The following IMMP2L variants were observed in gnomAD, a reference collection of about 807,000 sequenced individuals.
IMMP2L encodes the protein inner mitochondrial membrane peptidase subunit 2, also known as mitochondrial inner membrane protease subunit 2.
Under a neutral mutation model 19.3 loss-of-function variants are expected in IMMP2L, and 18 were observed. The observed-to-expected ratio is 0.93, with a 90% CI of 0.64 to 1.38. IMMP2L has a LOEUF of 1.38. Ranked by LOEUF, IMMP2L falls within the 40% of genes most tolerant of loss-of-function variation. The pLI is 0.00. For missense variants in IMMP2L, 233 were observed against 218.2 expected (o/e 1.07, Z -0.43); for synonymous variants, 76 against 73.0 (o/e 1.04, Z -0.21).
At chr7:111,331,787 T>G (rs1056655245) in intron 3 of IMMP2L, among the ~76,000 whole-genome samples, 1 of 151,840 alleles carries the variant, frequency 6.6e-6, no homozygotes, top group East Asian at 1.9e-4. Flanking sequence ...TCCAAGGATT[T>G]GTATATAGCC....
chr7:111,431,352 C>T (rs924458995), intron 3 of IMMP2L, among the ~76,000 whole-genome samples: 9 of 151,804 alleles, frequency 5.9e-5, no homozygotes, highest in African/African-American at 1.2e-4. Flanking sequence ...AATTGTTGTA[C>T]GCTCATGAGC....
chr7:111,260,002 T>C (rs1214696012), intron 3 of IMMP2L, among the ~76,000 whole-genome samples: 1 of 152,156 alleles, frequency 6.6e-6, no homozygotes, highest in Non-Finnish European at 1.5e-5. Flanking sequence ...TGTCATCTCC[T>C]ATCATAACAA....
At chr7:111,506,456 G>A (rs899246713) in intron 2 of IMMP2L, among the ~76,000 whole-genome samples, 2 of 152,166 alleles carry the variant, frequency 1.3e-5, no homozygotes, top group Non-Finnish European at 1.5e-5. Context: ...GCAGTGCAGT[G>A]GTGCAATCTC....
In IMMP2L at chr7:111,280,156, C is replaced by T. The variant is rs115568858; in HGVS notation, c.239+207082G>A. ...CTAAATGATCTGGCTTTCCCTTCGA[C>T]ATCGTCTCATTATTCTCATCCATCA... On this transcript the variant is annotated intron_variant, in intron 3 of 5. Transcript: ENST00000405709. 8.7e-3 allele frequency among the ~76,000 whole-genome samples: 1,330 copies of T among 152,268 alleles called. 24 individuals are homozygous for T. Among genetic ancestry groups the T allele is most frequent in the African/African-American group, 0.03 (1,252 of 41,556 alleles).
Position 111,054,970 on chromosome 7 carries a change from C to T in IMMP2L, c.240-91405G>A, listed in dbSNP as rs150510797. Among the ~76,000 whole-genome samples, 4 of 152,130 alleles carry T rather than the reference C, an allele frequency of 2.6e-5. No homozygotes were observed. The East Asian group carries it at 7.7e-4, about 29-fold the overall frequency. ...TTAGGAAACAAAATAGTTGGGCTGG[C>T]TCAAAAGTGACCACCACTAGTAGCA... On this transcript the variant is annotated intron_variant, in intron 3 of 5. Transcript: ENST00000405709.
chr7:111,318,399 T>C (rs1271564522), intron 3 of IMMP2L, among the ~76,000 whole-genome samples: 3 of 152,092 alleles, frequency 2.0e-5, no homozygotes, highest in African/African-American at 4.8e-5. Context: ...TAGTAACAGA[T>C]TGCAGACACA....
At chr7:111,256,291 CCAAA>C (rs771312775) in intron 3 of IMMP2L, among the ~76,000 whole-genome samples, 13 of 152,024 alleles carry the variant, frequency 8.6e-5, no homozygotes, top group Non-Finnish European at 1.5e-4. Context: ...TGCTTTTAAA[CCAAA>C]CAGATTTCAA....
chr7:111,230,145 T>C (rs1039294408), intron 3 of IMMP2L, among the ~76,000 whole-genome samples: 1 of 152,026 alleles, frequency 6.6e-6, no homozygotes, highest in African/African-American at 2.4e-5. Flanking sequence ...TTTGTTATGA[T>C]GGCATAGAAA....
intron 5 of IMMP2L, among the ~76,000 whole-genome samples, chr7:110,814,700 G>GATATATATATATAT (rs143894798): frequency 6.9e-6 from 1 of 143,954 alleles, no homozygotes; most frequent in African/African-American, 2.5e-5. Flanking sequence ...GTCAAGTACA[G>GATATATATATATAT]ATATATATAT....
intron 3 of IMMP2L, among the ~76,000 whole-genome samples, chr7:111,468,418 T>C (rs1034883146): frequency 2.0e-5 from 3 of 152,278 alleles, no homozygotes; most frequent in Admixed American, 6.5e-5. Context: ...AGCAAGGCTG[T>C]AGGGGCCATA....
At chr7:110,875,488 A>T (rs1808973660) in intron 5 of IMMP2L, among the ~76,000 whole-genome samples, 1 of 152,184 alleles carries the variant, frequency 6.6e-6, no homozygotes, top group Non-Finnish European at 1.5e-5. Context: ...ACTAGAGTCT[A>T]CATAATTCCA....
intron 3 of IMMP2L, among the ~76,000 whole-genome samples, chr7:111,021,778 G>A (rs1000874043): frequency 3.9e-5 from 6 of 152,140 alleles, no homozygotes; most frequent in African/African-American, 1.4e-4. Context: ...AGCTACTCAG[G>A]AGGCTGAGGC....
At chr7:110,821,044 T>C (rs1802981380) in intron 5 of IMMP2L, among the ~76,000 whole-genome samples, 1 of 152,132 alleles carries the variant, frequency 6.6e-6, no homozygotes, top group Non-Finnish European at 1.5e-5. Flanking sequence ...GCCACTGACC[T>C]GTATGCTTTA....
At chr7:111,441,597 A>G (rs1323302015) in intron 3 of IMMP2L, among the ~76,000 whole-genome samples, 6 of 151,660 alleles carry the variant, frequency 4.0e-5, no homozygotes, top group African/African-American at 1.5e-4. Context: ...ATAATAACAA[A>G]AAAGTTTGAA....
At chr7:111,009,054 A>G (rs1824625775) in intron 3 of IMMP2L, among the ~76,000 whole-genome samples, 1 of 152,084 alleles carries the variant, frequency 6.6e-6, no homozygotes, top group Admixed American at 6.6e-5. Context: ...TTTGCTTCAT[A>G]TCATTTTACA....
intron 3 of IMMP2L, among the ~76,000 whole-genome samples, chr7:111,033,269 T>C (rs1440253752): frequency 6.6e-6 from 1 of 152,228 alleles, no homozygotes; most frequent in Non-Finnish European, 1.5e-5. Context: ...TTAAAACAAT[T>C]AGATACTATT....
chr7:111,503,940 T>C (rs1411519012), intron 2 of IMMP2L, among the ~76,000 whole-genome samples: 2 of 152,072 alleles, frequency 1.3e-5, no homozygotes, highest in East Asian at 3.8e-4. Flanking sequence ...TCACCACTCC[T>C]ATTCAACATA....
chr7:111,426,924 T>G (rs560357269), intron 3 of IMMP2L, among the ~76,000 whole-genome samples: 1 of 151,362 alleles, frequency 6.6e-6, no homozygotes, highest in African/African-American at 2.4e-5. Flanking sequence ...TGTACAACCA[T>G]GCTTTTAAAT....
chr7:111,150,440 G>A (rs143600840), intron 3 of IMMP2L, among the ~76,000 whole-genome samples: 5 of 152,100 alleles, frequency 3.3e-5, no homozygotes, highest in African/African-American at 4.8e-5. Context: ...ATTAAAGATC[G>A]TGAAAAAACC....
Sources: gnomAD v4.1 joint callset for allele counts (sites outside exome capture counted in the v4.1 genomes callset) on GRCh38, gnomAD v4.1.1 for gene constraint, MANE v1.5 for transcripts, NCBI Gene and HGNC (gene_info 2026-07-23, HGNC 2026-07-21) for gene names.